Variants in WBP2 observed in about 807,000 individuals in gnomAD.
WBP2 encodes WW domain-binding protein 2.
A neutral mutation model predicts 33.0 loss-of-function variants in WBP2; 23 were observed. The ratio of observed to expected loss-of-function variants is 0.70; its 90% CI spans 0.50 to 0.99. The LOEUF (loss-of-function observed/expected upper bound fraction) is 0.99. Among genes scored for constraint, WBP2 ranks in the 50% least tolerant of loss-of-function variants. The pLI is 0.00. For synonymous variants in WBP2, 153 were observed against 133.5 expected (o/e 1.15, Z -1.01); for missense variants, 353 against 358.0 (o/e 0.99, Z 0.11).
chr17:75,847,797 AGGTGGGGGC>A lies in WBP2; in HGVS notation c.522_530del (p.Pro175_Pro177del). 1 of 1,555,268 alleles carries A rather than the reference AGGTGGGGGC, an allele frequency of 6.4e-7. No individual in the cohort carries two copies. The highest frequency in any genetic ancestry group is 1.4e-5 in the African/African-American group (1 of 73,434). ...GGGGGCAGCAAAGGACACACTCACC[AGGTGGGGGC>A]GGTGGATAGGGGTAGCCAGGAGGGC... On this transcript the variant is annotated inframe_deletion and splice_region_variant, in exon 5 of 8. Transcript: ENST00000254806.
In WBP2 at chr17:75,855,159, T is replaced by TGC; in HGVS notation, c.59+79_59+80insGC. The TGC allele has an allele frequency of 8.7e-5, 84 of 964,056 alleles. 1 individual carries two copies. Among genetic ancestry groups the TGC allele is most frequent in the Non-Finnish European group, 1.2e-4 (80 of 642,716 alleles). 59.7% of individuals were successfully genotyped at this position (964,056 alleles called of 1,614,324 possible). ...CAGTGCTCCCTCTTCAGGGGCTTAT[T>TGC]CCCCACCACCCACCACCCACCGCCC... On this transcript the variant is annotated intron_variant, in intron 1 of 7. Transcript: ENST00000254806.
rs1171938509 is a variant in WBP2, at chr17:75,855,310, A to C, written c.-13T>G. On this transcript the variant is annotated 5_prime_UTR_variant, in exon 1 of 8. Coordinates refer to ENST00000254806, the MANE Select transcript of WBP2 (RefSeq NM_012478.4). ...TGTTGAGCGCCATAGTCTCTCCAAC[A>C]GGGGTCCCGAGACTCAAAACGCAAT... 1 of 1,611,542 alleles carries C rather than the reference A, an allele frequency of 6.2e-7. No individual in the cohort carries two copies. The highest frequency in any genetic ancestry group is 8.5e-7 in the Non-Finnish European group (1 of 1,179,924).
At chr17:75,851,714 T>C (rs1207561048) in intron 1 of WBP2, 38 bp from the exon 2 acceptor site, 3 of 1,532,282 alleles carry the variant, frequency 2.0e-6, no homozygotes, top group Non-Finnish European at 2.7e-6. Context: ...AATGAGACAG[T>C]ATGGAGACGC....
intron 6 of WBP2, 114 bp from the exon 7 acceptor site, chr17:75,847,098 C>A: frequency 8.7e-7 from 1 of 1,151,612 alleles, no homozygotes; most frequent in Non-Finnish European, 1.3e-6. Flanking sequence ...TCCAGTTCCA[C>A]CAATGAGAGC....
At chr17:75,855,197 C>G (rs202035844) in intron 1 of WBP2, 42 bp downstream of exon 1, 19 of 1,538,880 alleles carry the variant, frequency 1.2e-5, no homozygotes, top group Non-Finnish European at 1.5e-5. Context: ...TTCCTCGACA[C>G]CCGAACTTTG....
Position 75,848,610 on chromosome 17 carries a change from G to A in WBP2, c.357C>T (p.Ala119=), listed in dbSNP as rs371950818. 4 of 1,613,906 alleles carry A rather than the reference G, an allele frequency of 2.5e-6. No homozygotes were observed. The highest frequency in any genetic ancestry group is 3.4e-6 in the Non-Finnish European group (4 of 1,179,964). ...SYKLTFTAGG[A]IEFGQRMLQV... Reference sequence around the variant, plus strand: ...GGAGCATCCGCTGTCCGAACTCAATGGCGCCCCCTGCCGTGAAAGTCAACT... The same window carrying A: ...GGAGCATCCGCTGTCCGAACTCAATAGCGCCCCCTGCCGTGAAAGTCAACT... The change falls in exon 4 of 8, where the codon GCC becomes GCT. Residue 119 remains alanine (A), a synonymous_variant. Transcript: ENST00000254806.
chr17:75,848,459 A>G lies in WBP2; in HGVS notation c.397+111T>C, dbSNP rs114249247. On this transcript the variant is annotated intron_variant, in intron 4 of 7. Transcript: ENST00000254806. ...CTAGGCCTGGTCAGCCTGGTGCCCAAACACTTACCTCTTGAGTTCTTGAAA... is the reference window on the plus strand; with the variant it reads ...CTAGGCCTGGTCAGCCTGGTGCCCAGACACTTACCTCTTGAGTTCTTGAAA... The G allele has an allele frequency of 1.9e-3, 2,008 of 1,043,190 alleles. 22 individuals are homozygous for G. The African/African-American group carries it at 0.029, about 15-fold the overall frequency. 64.6% of individuals were successfully genotyped at this position (1,043,190 alleles called of 1,614,324 possible).
intron 2 of WBP2, among the ~76,000 whole-genome samples, chr17:75,850,447 G>A (rs564064308): frequency 1.5e-4 from 23 of 151,952 alleles, no homozygotes; most frequent in African/African-American, 5.3e-4. Flanking sequence ...GGGTTTCACC[G>A]TGTTAGCCAG....
chr17:75,851,498 T>G, intron 2 of WBP2, 70 bp downstream of exon 2: 1 of 1,240,038 alleles, frequency 8.1e-7, no homozygotes, highest in Non-Finnish European at 1.2e-6. Context: ...GAGGCAGACC[T>G]GAGACTAAGA....
At chr17:75,847,957 G>A (rs1010282338) in intron 4 of WBP2, 27 bp from the exon 5 acceptor site, 4 of 1,558,818 alleles carry the variant, frequency 2.6e-6, no homozygotes, top group Non-Finnish European at 3.5e-6. Flanking sequence ...AAAGAGAAAT[G>A]AGCGTGGCCT....
Position 75,846,301 on chromosome 17 carries a change from A to C in WBP2, c.*433T>G. Reference sequence around the variant, plus strand: ...AGACCAGCACAGACCAGCAGAGGGAATGTGAGCAGGGTCTGGCAGGGCCCG... The same window carrying C: ...AGACCAGCACAGACCAGCAGAGGGACTGTGAGCAGGGTCTGGCAGGGCCCG... On this transcript the variant is annotated 3_prime_UTR_variant, in exon 8 of 8. Transcript: ENST00000254806. The surrounding 1 kb of genome is among the most constrained non-coding windows in gnomAD (Gnocchi z 4.8). 2.2e-5 allele frequency: 5 copies of C among 224,516 alleles called. No homozygotes were observed. Among genetic ancestry groups the C allele is most frequent in the Middle Eastern group, 1.8e-3 (1 of 548 alleles). 13.9% of individuals were successfully genotyped at this position (224,516 alleles called of 1,614,324 possible).
intron 1 of WBP2, 125 bp from the exon 2 acceptor site, chr17:75,851,801 G>T (rs891654473): frequency 2.8e-6 from 2 of 702,638 alleles, no homozygotes; most frequent in African/African-American, 3.5e-5. Context: ...CAATAGTGCG[G>T]CATTAAAACT....
In WBP2 at chr17:75,849,751, G is replaced by C. The variant is rs753166701; in HGVS notation, c.169-12C>G. On this transcript the variant is annotated splice_polypyrimidine_tract_variant and intron_variant, in intron 2 of 7. Transcript: ENST00000254806. ...GACAGAAAGATGACCTGCAGGGAGA[G>C]AGGGTGAGGCCATCAGTACTAGAAG... The C allele has an allele frequency of 2.5e-6, 4 of 1,613,686 alleles. No individual in the cohort carries two copies. Among genetic ancestry groups the C allele is most frequent in the Non-Finnish European group, 1.7e-6 (2 of 1,179,960 alleles).
chr17:75,851,437 G>T, intron 2 of WBP2, 131 bp downstream of exon 2: 1 of 675,992 alleles, frequency 1.5e-6, no homozygotes. Context: ...AACAGGCAGA[G>T]TGAAGCACTA....
chr17:75,846,474 C>T lies in WBP2; in HGVS notation c.*260G>A, dbSNP rs2064992231. ...GAGTGAAACAGGAACAGGGGATGCT[C>T]CGTGCTCCCAGAAGAGCCCCAGACG... On this transcript the variant is annotated 3_prime_UTR_variant, in exon 8 of 8. Transcript: ENST00000254806. The surrounding 1 kb of genome is among the most constrained non-coding windows in gnomAD (Gnocchi z 4.8). The T allele has an allele frequency of 1.8e-6, 1 of 547,542 alleles. No homozygotes were observed. The highest frequency in any genetic ancestry group is 3.3e-5 in the East Asian group (1 of 30,690). The allele number at this position is 547,542 out of a possible 1,614,324, so 33.9% of individuals were successfully genotyped here. A position where few individuals can be genotyped will look rare whatever the true frequency, so the allele number is the denominator to read the frequency against.
At chr17:75,855,174 A>G in intron 1 of WBP2, 65 bp downstream of exon 1, 4 of 375,852 alleles carry the variant, frequency 1.1e-5, no homozygotes, top group South Asian at 2.6e-5. Context: ...ACCACCCACC[A>G]CCCACCGCCC....
intron 1 of WBP2, 125 bp downstream of exon 1, chr17:75,855,114 C>G (rs910381564): frequency 2.8e-5 from 10 of 355,128 alleles, no homozygotes; most frequent in Non-Finnish European, 1.4e-5. Flanking sequence ...CCCAGCCGTT[C>G]CCCACCAACC....
chr17:75,847,771 TG>T (rs758772775), intron 5 of WBP2, 24 bp downstream of exon 5: 2 of 1,518,026 alleles, frequency 1.3e-6, no homozygotes, highest in South Asian at 2.4e-5. Flanking sequence ...ATGAGGGGAG[TG>T]GGGGCAGCAA....
chr17:75,850,196 C>T (rs2065019521), intron 2 of WBP2, among the ~76,000 whole-genome samples: 1 of 151,736 alleles, frequency 6.6e-6, no homozygotes, highest in Admixed American at 6.6e-5. Flanking sequence ...AACAAGAGCT[C>T]TCCTGGAGCC....
Sources: gnomAD v4.1 joint callset for allele counts (sites outside exome capture counted in the v4.1 genomes callset) on GRCh38, gnomAD v4.1.1 for gene constraint, Gnocchi (gnomAD v3.1) non-coding constraint, MANE v1.5 for transcripts, NCBI Gene and HGNC (gene_info 2026-07-23, HGNC 2026-07-21) for gene names.